Variants in SH3TC1 observed in about 807,000 individuals in gnomAD.
SH3TC1 encodes the protein SH3 domain and tetratricopeptide repeats 1.
A neutral mutation model predicts 117.3 loss-of-function variants in SH3TC1; 135 were observed. The observed-to-expected ratio is 1.15, with a 90% CI of 1.00 to 1.33. SH3TC1 has a LOEUF of 1.33. Among genes scored for constraint, SH3TC1 ranks in the 40% most tolerant of loss-of-function variants. The pLI is 0.00. For missense variants in SH3TC1, 2,092 were observed against 1,794.3 expected (o/e 1.17, Z -3.00); for synonymous variants, 898 against 816.9 (o/e 1.10, Z -1.69).
intron 1 of SH3TC1, among the ~76,000 whole-genome samples, chr4:8,188,377 C>T (rs547821124): frequency 6.6e-6 from 1 of 152,240 alleles, no homozygotes; most frequent in South Asian, 2.1e-4. Flanking sequence ...GCAACACCGC[C>T]TGCTGACCCT....
In SH3TC1 at chr4:8,214,477, A is replaced by G; in HGVS notation, c.378A>G (p.Glu126=). 1 of 1,613,660 alleles carries G rather than the reference A, an allele frequency of 6.2e-7. No homozygotes were observed. Among genetic ancestry groups the G allele is most frequent in the Non-Finnish European group, 8.5e-7 (1 of 1,179,806 alleles). The part of the protein sequence containing the change: ...DSREMARVLG[E]LSARLLSIHS... ...AATTCCTATTTCTTTCTCTTAAGGAATTATCAGCCAGGCTGCTGTCCATCC... is the reference window on the plus strand; with the variant it reads ...AATTCCTATTTCTTTCTCTTAAGGAGTTATCAGCCAGGCTGCTGTCCATCC... The change falls in exon 5 of 18, where the codon GAA becomes GAG. Residue 126 remains glutamate, a splice_region_variant and synonymous_variant. Transcript: ENST00000245105.
At chr4:8,236,780 C>T (rs1721858132) in intron 16 of SH3TC1, 2 of 230,556 alleles carry the variant, frequency 8.7e-6, no homozygotes, top group Admixed American at 5.5e-5. Context: ...TTCCCACCCT[C>T]ATCAACCACA....
chr4:8,209,205 G>T lies in SH3TC1; in HGVS notation c.173-543G>T, dbSNP rs535556753. Among the ~76,000 whole-genome samples, 1 of 152,238 alleles carries T rather than the reference G, an allele frequency of 6.6e-6. No individual in the cohort carries two copies. Among genetic ancestry groups the T allele is most frequent in the Non-Finnish European group, 1.5e-5 (1 of 68,044 alleles). On this transcript the variant is annotated intron_variant, in intron 2 of 17. Transcript: ENST00000245105. This position sits in a 1 kb window ranked among gnomAD's most constrained non-coding sequence, Gnocchi z 5.9. ...CTGCATTACCTCATCCAGCAAAGGG[G>T]ACTTTGCAGATGTGATCAAAGGCAA...
At chr4:8,215,135 C>T (rs1232733596) in intron 5 of SH3TC1, 1 of 456,220 alleles carries the variant, frequency 2.2e-6, no homozygotes, top group South Asian at 1.5e-5. Context: ...CTTCTAGTTG[C>T]CTTCACACTC....
intron 1 of SH3TC1, among the ~76,000 whole-genome samples, chr4:8,193,152 A>G (rs189317656): frequency 2.6e-5 from 4 of 152,338 alleles, no homozygotes; most frequent in Admixed American, 1.3e-4. Context: ...CCCCGGCCCT[A>G]CCCAGAGCAC....
rs1352943641 is a variant in SH3TC1, at chr4:8,228,594, G to A, written c.2900G>A (p.Gly967Asp). 6.4e-7 allele frequency: 1 copy of A among 1,565,714 alleles called. No individual in the cohort carries two copies. The highest frequency in any genetic ancestry group is 8.6e-7 in the Non-Finnish European group (1 of 1,157,910). Residue 967 changes from glycine to aspartate, a missense_variant, in exon 12 of 18, where the codon GGC (glycine) becomes GAC (aspartate). Transcript: ENST00000245105. ...CAGGGCCCGGCCCAGCAGGGCAAGG[G>A]CTACTACGAGTGGGCCCTTCTGGTC... ...TRQGPAQQGK[G>D]YYEWALLVAV...
intron 8 of SH3TC1, among the ~76,000 whole-genome samples, chr4:8,218,895 G>T (rs1233018124): frequency 6.6e-6 from 1 of 152,048 alleles, no homozygotes; most frequent in Admixed American, 6.6e-5. Flanking sequence ...TGTCTGGATG[G>T]CCTGTGCACC....
intron 1 of SH3TC1, among the ~76,000 whole-genome samples, chr4:8,200,131 G>C (rs1038121901): frequency 1.2e-4 from 18 of 152,356 alleles, no homozygotes; most frequent in African/African-American, 4.1e-4. Flanking sequence ...GCTCAGATGA[G>C]ATGAATAGCA....
intron 17 of SH3TC1, among the ~76,000 whole-genome samples, chr4:8,239,219 C>A (rs1465680117): frequency 6.7e-6 from 1 of 148,876 alleles, no homozygotes; most frequent in African/African-American, 2.6e-5. Context: ...CAGGCACATG[C>A]AAATGCACAT....
chr4:8,188,168 C>T (rs779838898), intron 1 of SH3TC1, among the ~76,000 whole-genome samples: 8 of 152,208 alleles, frequency 5.3e-5, no homozygotes, highest in Admixed American at 1.3e-4. Context: ...CAGCTCTCTA[C>T]GGGCAGGACT....
At chr4:8,193,728 T>A (rs144934680) in intron 1 of SH3TC1, among the ~76,000 whole-genome samples, 1 of 152,252 alleles carries the variant, frequency 6.6e-6, no homozygotes, top group Non-Finnish European at 1.5e-5. Flanking sequence ...CCATCGCCAG[T>A]GGCAGGTGGG....
In SH3TC1 at chr4:8,227,553, G is replaced by A. The variant is rs1720610913; in HGVS notation, c.1859G>A (p.Cys620Tyr). Residue 620 changes from cysteine to tyrosine, a missense_variant, in exon 12 of 18, where the codon TGT becomes TAT. Coordinates refer to ENST00000245105, the MANE Select transcript of SH3TC1 (RefSeq NM_018986.5). ...CGGAAGCAGAAGAACCGGGAGAAGT[G>A]TGCACAGGTGGTGCCCAAAGCCATG... The part of the protein sequence containing the change: ...IYRKQKNREK[C>Y]AQVVPKAMAL... 3.3e-6 allele frequency: 5 copies of A among 1,526,784 alleles called. No individual in the cohort carries two copies. The highest frequency in any genetic ancestry group is 3.5e-6 in the Non-Finnish European group (4 of 1,140,496). The allele number at this position is 1,526,784 out of a possible 1,614,324, so 94.6% of individuals were successfully genotyped here. A position where few individuals can be genotyped will look rare whatever the true frequency, so the allele number is the denominator to read the frequency against.
chr4:8,221,223 C>CA (rs1350263162), intron 9 of SH3TC1, among the ~76,000 whole-genome samples: 2 of 152,228 alleles, frequency 1.3e-5, no homozygotes, highest in African/African-American at 4.8e-5. Context: ...GTGAAGTCAA[C>CA]ATGTACTGAA....
intron 1 of SH3TC1, among the ~76,000 whole-genome samples, chr4:8,188,491 GTGCTTCAAACCTA>G (rs1479910945): frequency 6.6e-6 from 1 of 152,216 alleles, no homozygotes; most frequent in Admixed American, 6.5e-5. Flanking sequence ...GCTCCCCAAG[GTGCTTCAAACCTA>G]GGCTTCAGAA....
intron 16 of SH3TC1, chr4:8,237,213 A>G (rs1372079516): frequency 4.9e-6 from 2 of 405,384 alleles, no homozygotes; most frequent in Non-Finnish European, 8.7e-6. Context: ...GGTTAAAAAC[A>G]GTGAGCAAAG....
chr4:8,195,303 G>A (rs1010466022), upstream of SH3TC1, among the ~76,000 whole-genome samples: 12 of 152,246 alleles, frequency 7.9e-5, no homozygotes, highest in Non-Finnish European at 1.8e-4. Context: ...CTGAGGCCCA[G>A]AGGAGTGACA....
intron 2 of SH3TC1, among the ~76,000 whole-genome samples, chr4:8,207,296 C>T (rs1025245078): frequency 2.0e-5 from 3 of 152,196 alleles, no homozygotes; most frequent in Admixed American, 6.5e-5. Flanking sequence ...TCAGTGCAGA[C>T]GATGTCTATT....
rs1717391059 is a variant in SH3TC1, at chr4:8,190,675, C to G, written c.-57+8465C>G. On this transcript the variant is annotated intron_variant, in intron 1 of 16. Coordinates refer to the SH3TC1 transcript ENST00000508641. This position sits in a 1 kb window ranked among gnomAD's most constrained non-coding sequence, Gnocchi z 4.7. ...CTTTTTTTGGAGACAGAGCCTGGCT[C>G]TGTCGCCCAGGCTGGAGTGCAGTAG... Among the ~76,000 whole-genome samples, 1 of 151,982 alleles carries G rather than the reference C, an allele frequency of 6.6e-6. No individual in the cohort carries two copies. Among genetic ancestry groups the G allele is most frequent in the Admixed American group, 6.6e-5 (1 of 15,262 alleles).
rs774251183 is a variant in SH3TC1 at position 8,228,185 on chromosome 4, C to T, written c.2491C>T (p.Leu831=). The change falls in exon 12 of 18, where the codon CTG becomes TTG. Residue 831 remains leucine, a synonymous_variant. Coordinates refer to ENST00000245105, the MANE Select transcript of SH3TC1 (RefSeq NM_018986.5). ...VRAIVDHLVA[L]AWLHVLHGQS... is the part of the protein sequence containing the mutation. ...TGCCATCGTGGACCACCTGGTGGCC[C>T]TGGCCTGGCTGCACGTGCTTCATGG... is the stretch of plus-strand genomic sequence containing the variant. The T allele has an allele frequency of 1.9e-6, 3 of 1,610,428 alleles. No homozygotes were observed. In the Admixed American group the frequency reaches 5.0e-5, roughly 27 times the overall value.
Sources: gnomAD v4.1 joint callset for allele counts (sites outside exome capture counted in the v4.1 genomes callset) on GRCh38, gnomAD v4.1.1 for gene constraint, Gnocchi (gnomAD v3.1) non-coding constraint, MANE v1.5 for transcripts, NCBI Gene and HGNC (gene_info 2026-07-23, HGNC 2026-07-21) for gene names.